Variants in ADARB2 observed in about 807,000 individuals in gnomAD.
ADARB2 encodes adenosine deaminase RNA specific B2 (inactive).
A neutral mutation model predicts 62.2 loss-of-function variants in ADARB2; 25 were observed. The observed-to-expected ratio is 0.40, with a 90% CI of 0.29 to 0.56. The LOEUF is 0.56. Ranked by LOEUF, ADARB2 falls within the 20% of genes least tolerant of loss-of-function variation. ADARB2 has a pLI of 0.43. For missense variants in ADARB2, 1,071 were observed against 1,077.4 expected, an observed-to-expected ratio of 0.99 and a Z score of 0.08; for synonymous variants, 572 against 500.8, an observed-to-expected ratio of 1.14 and a Z score of -1.90.
chr10:1,705,076 G>C (rs142516098), intron 1 of ADARB2, among the ~76,000 whole-genome samples: 92 of 152,230 alleles, frequency 6.0e-4, no homozygotes, highest in Non-Finnish European at 5.0e-4. Flanking sequence ...AAAAAATAAA[G>C]AAACAAATGT....
intron 1 of ADARB2, among the ~76,000 whole-genome samples, chr10:1,401,373 A>G (rs1214092534): frequency 6.6e-6 from 1 of 152,216 alleles, no homozygotes; most frequent in Non-Finnish European, 1.5e-5. Flanking sequence ...TGCTGCGGGA[A>G]GCCTGGGTCC....
intron 1 of ADARB2, among the ~76,000 whole-genome samples, chr10:1,564,730 A>G (rs1436425763): frequency 1.3e-5 from 2 of 152,216 alleles, no homozygotes; most frequent in Non-Finnish European, 2.9e-5. Flanking sequence ...CACACCAGTT[A>G]GAATGGCAAT....
At chr10:1,307,961 G>A (rs1163859607) in intron 3 of ADARB2, among the ~76,000 whole-genome samples, 5 of 143,080 alleles carry the variant, frequency 3.5e-5, no homozygotes, top group African/African-American at 7.8e-5. Flanking sequence ...GGATAGCATT[G>A]GGAGATATAC....
chr10:1,624,740 C>T (rs765365800), intron 1 of ADARB2, among the ~76,000 whole-genome samples: 2 of 152,172 alleles, frequency 1.3e-5, no homozygotes, highest in Non-Finnish European at 2.9e-5. Context: ...CATAATTACT[C>T]ATTACCAATA....
chr10:1,326,809 AGCGCCTCCCCACGGCC>A (rs1831854761), intron 3 of ADARB2, among the ~76,000 whole-genome samples: 1 of 115,090 alleles, frequency 8.7e-6, no homozygotes, highest in Admixed American at 8.4e-5. Context: ...CCCACGGCCC[AGCGCCTCCCCACGGCC>A]CAGCGCCTCC....
intron 3 of ADARB2, among the ~76,000 whole-genome samples, chr10:1,310,388 A>G (rs1361727069): frequency 7.0e-6 from 1 of 143,200 alleles, no homozygotes; most frequent in Non-Finnish European, 1.5e-5. Flanking sequence ...GACTCTGAAT[A>G]ACATTCCTTC....
intron 1 of ADARB2, among the ~76,000 whole-genome samples, chr10:1,436,819 T>C (rs575111041): frequency 5.6e-4 from 85 of 152,376 alleles, no homozygotes; most frequent in Non-Finnish European, 8.5e-4. Context: ...TTATTGACTA[T>C]ATCCTCTTTC....
intron 5 of ADARB2, 132 bp downstream of exon 5, chr10:1,241,999 G>T (rs978612559): frequency 2.0e-6 from 2 of 986,820 alleles, no homozygotes; most frequent in Non-Finnish European, 1.5e-6. Context: ...AATAAAAAGG[G>T]ATGCTTTCTG....
At chr10:1,601,822 C>T (rs568342544) in intron 1 of ADARB2, among the ~76,000 whole-genome samples, 5 of 152,262 alleles carry the variant, frequency 3.3e-5, no homozygotes, top group African/African-American at 1.2e-4. Flanking sequence ...CCTTGTGGGT[C>T]ACAGTGAGAA....
chr10:1,556,380 T>C (rs1832702996), intron 1 of ADARB2, among the ~76,000 whole-genome samples: 1 of 152,150 alleles, frequency 6.6e-6, no homozygotes, highest in African/African-American at 2.4e-5. Context: ...TTTCCACTTT[T>C]CTTGGTGAAG....
chr10:1,435,151 G>A (rs1421281058), intron 1 of ADARB2, among the ~76,000 whole-genome samples: 1 of 152,368 alleles, frequency 6.6e-6, no homozygotes, highest in East Asian at 1.9e-4. Context: ...TGCCTCCAAT[G>A]AGAGGTGTCC....
intron 6 of ADARB2, among the ~76,000 whole-genome samples, chr10:1,219,166 C>T (rs1830659775): frequency 6.6e-6 from 1 of 152,078 alleles, no homozygotes; most frequent in South Asian, 2.1e-4. Context: ...AGAAGCCAAG[C>T]AGATGCCAGT....
chr10:1,621,174 A>C (rs1186316209), intron 1 of ADARB2, among the ~76,000 whole-genome samples: 3 of 152,248 alleles, frequency 2.0e-5, no homozygotes, highest in Non-Finnish European at 2.9e-5. Context: ...AGGAAATATT[A>C]AAATGTATTC....
intron 1 of ADARB2, among the ~76,000 whole-genome samples, chr10:1,425,462 C>A (rs1337184197): frequency 6.6e-6 from 1 of 152,224 alleles, no homozygotes; most frequent in Non-Finnish European, 1.5e-5. Flanking sequence ...ATCCTTCAAG[C>A]AATACCTGAA....
chr10:1,470,188 AC>A (rs1831303240), intron 1 of ADARB2, among the ~76,000 whole-genome samples: 1 of 151,952 alleles, frequency 6.6e-6, no homozygotes, highest in African/African-American at 2.4e-5. Flanking sequence ...TCCCCTAGCC[AC>A]TTACACACCC....
chr10:1,368,084 GAGCCCAGCACAGAGGCCAC>G (rs1359860010), intron 2 of ADARB2, among the ~76,000 whole-genome samples: 1 of 152,136 alleles, frequency 6.6e-6, no homozygotes, highest in Non-Finnish European at 1.5e-5. Context: ...CCTGACGTGG[GAGCCCAGCACAGAGGCCAC>G]AGCCCAGCGG....
intron 3 of ADARB2, among the ~76,000 whole-genome samples, chr10:1,280,382 A>T (rs184386588): frequency 2.0e-4 from 30 of 152,312 alleles, no homozygotes; most frequent in Non-Finnish European, 3.7e-4. Flanking sequence ...TCTGCCCCTC[A>T]TAGGCTTTAT....
intron 1 of ADARB2, among the ~76,000 whole-genome samples, chr10:1,575,442 T>C (rs1393707565): frequency 6.6e-6 from 1 of 151,454 alleles, no homozygotes; most frequent in Non-Finnish European, 1.5e-5. Flanking sequence ...GTCTTAAAGA[T>C]GCCAAAGCAG....
intron 8 of ADARB2, chr10:1,187,812 G>A (rs773779711): frequency 5.5e-5 from 23 of 421,998 alleles, no homozygotes; most frequent in Admixed American, 7.4e-5. Flanking sequence ...GGTGGGCTGC[G>A]GGGTCGTCCA....
Sources: gnomAD v4.1 joint callset for allele counts (sites outside exome capture counted in the v4.1 genomes callset) on GRCh38, gnomAD v4.1.1 for gene constraint, MANE v1.5 for transcripts, NCBI Gene and HGNC (gene_info 2026-07-23, HGNC 2026-07-21) for gene names.